GALNT12: variants seen among roughly 807,000 people sequenced by gnomAD.
GALNT12 encodes polypeptide N-acetylgalactosaminyltransferase 12, also known as UDP-GalNAc:polypeptide N-acetylgalactosaminyltransferase 12.
A neutral mutation model predicts 55.5 loss-of-function variants in GALNT12; 45 were observed. The observed-to-expected ratio is 0.81, with a 90% CI of 0.64 to 1.04. GALNT12 has a LOEUF of 1.04. Ranked by LOEUF, GALNT12 falls within the 50% of genes least tolerant of loss-of-function variation. GALNT12 has a pLI of 0.00. For synonymous variants in GALNT12, 304 were observed against 312.2 expected, an observed-to-expected ratio of 0.97 and a Z score of 0.28; for missense variants, 709 against 754.8, an observed-to-expected ratio of 0.94 and a Z score of 0.71.
Position 98,823,349 on chromosome 9 carries a change from A to G in GALNT12, c.465A>G (p.Thr155=). 1 of 1,614,108 alleles carries G rather than the reference A, an allele frequency of 6.2e-7. No homozygotes were observed. The part of the protein sequence containing the change: ...YNEAWSTLLR[T]VYSVLETSPD... ...AAGCCTGGTCAACTCTCCTTCGGAC[A>G]GTTTACAGTGTCCTTGAGACATCCC... The change falls in exon 2 of 10, where the codon ACA becomes ACG. Residue 155 remains threonine (T), a synonymous_variant. Transcript: ENST00000375011.
At chr9:98,809,986 C>T (rs1835460808) in intron 1 of GALNT12, among the ~76,000 whole-genome samples, 1 of 152,184 alleles carries the variant, frequency 6.6e-6, no homozygotes, top group African/African-American at 2.4e-5. Flanking sequence ...ATTCCTGCAG[C>T]AAGGCCTGTT....
chr9:98,832,794 A>G (rs1000353587), intron 4 of GALNT12, among the ~76,000 whole-genome samples: 1 of 152,162 alleles, frequency 6.6e-6, no homozygotes, highest in Non-Finnish European at 1.5e-5. Flanking sequence ...TTCCTAGAGA[A>G]CATCATTCCT....
At position 98,844,221 on chromosome 9, in the gene GALNT12, C is replaced by G. The variant is rs776291189; in HGVS notation, c.1458+12C>G. On this transcript the variant is annotated intron_variant, in intron 8 of 9. Transcript: ENST00000375011. ...TGGGCCAGAATCAGGTAGGTATGAG[C>G]CTCAAAAGAGGAGAAAGCTGTGTGT... 3.4e-6 allele frequency: 5 copies of G among 1,474,066 alleles called. No homozygotes were observed. The highest frequency in any genetic ancestry group is 1.1e-5 in the South Asian group (1 of 88,300). 91.3% of individuals were successfully genotyped at this position (1,474,066 alleles called of 1,614,324 possible). A position where few individuals can be genotyped will look rare whatever the true frequency, so the allele number is the denominator to read the frequency against.
chr9:98,819,596 G>A lies in GALNT12; in HGVS notation c.372-3660G>A, dbSNP rs147342281. On this transcript the variant is annotated intron_variant, in intron 1 of 9. Transcript: ENST00000375011. ...AATCATCCCAGTGACAGCAGAGCAAGGCCACTGCCAGGGAGCCTTGGAACT... is the reference window on the plus strand; with the variant it reads ...AATCATCCCAGTGACAGCAGAGCAAAGCCACTGCCAGGGAGCCTTGGAACT... Among the ~76,000 whole-genome samples the A allele has an allele frequency of 2.0e-4, 30 of 152,320 alleles. No homozygotes were observed. In the South Asian group the frequency reaches 2.1e-3, roughly 11 times the overall value.
chr9:98,834,104 C>T (rs1191619589), intron 4 of GALNT12, among the ~76,000 whole-genome samples: 1 of 151,830 alleles, frequency 6.6e-6, no homozygotes, highest in African/African-American at 2.4e-5. Flanking sequence ...AGTGGTTGCG[C>T]TCTCAATGTT....
At chr9:98,809,755 T>C (rs1231922435) in intron 1 of GALNT12, among the ~76,000 whole-genome samples, 1 of 152,214 alleles carries the variant, frequency 6.6e-6, no homozygotes, top group Non-Finnish European at 1.5e-5. Context: ...GGATTGGTTG[T>C]AGTTTTTCTT....
At position 98,836,982 on chromosome 9, in the gene GALNT12, G is replaced by A. The variant is rs747921962; in HGVS notation, c.1046G>A (p.Cys349Tyr). 2.5e-6 allele frequency: 4 copies of A among 1,613,974 alleles called. No individual in the cohort carries two copies. The highest frequency in any genetic ancestry group is 3.3e-5 in the Admixed American group (2 of 59,998). The stretch of plus-strand genomic sequence containing the variant: ...TTTCTCTGTGTGCAGATCTGGCAGT[G>A]TGGTGGGGTTCTGGAAACACACCCA... ...NLEFSFRIWQCGGVLETHPCS... is the reference protein window; with the variant it reads ...NLEFSFRIWQYGGVLETHPCS... Residue 349 changes from cysteine (C) to tyrosine (Y), a missense_variant, in exon 6 of 10, where the codon TGT becomes TAT. Coordinates refer to ENST00000375011, the MANE Select transcript of GALNT12 (RefSeq NM_024642.5).
In GALNT12 at chr9:98,826,747, C is replaced by T. The variant is rs1262988441; in HGVS notation, c.542-5C>T. ...TGACCCCTGTTGCTTTGTTTGCCTC[C>T]CTAGAGCACCTGAAGGAGCGCTTGG... On this transcript the variant is annotated splice_polypyrimidine_tract_variant and splice_region_variant and intron_variant, in intron 2 of 9. Transcript: ENST00000375011. The T allele has an allele frequency of 6.2e-7, 1 of 1,610,456 alleles. No individual in the cohort carries two copies. Among genetic ancestry groups the T allele is most frequent in the Non-Finnish European group, 8.5e-7 (1 of 1,179,496 alleles).
Position 98,807,981 on chromosome 9 carries a change from G to C in GALNT12, c.283G>C (p.Glu95Gln), listed in dbSNP as rs1346303585. Residue 95 changes from glutamate (E) to glutamine (Q), a missense_variant, in exon 1 of 10, where the codon GAG (glutamate) becomes CAG (glutamine). Transcript: ENST00000375011. ...GCAGGGCGAGGAGCTGCGGCTGCAG[G>C]AGGAGAGCGTGCGGCTGCACCAGAT... ...QLQGEELRLQEESVRLHQINI... is the reference protein window; with the variant it reads ...QLQGEELRLQQESVRLHQINI... The C allele has an allele frequency of 4.0e-6, 6 of 1,517,438 alleles. No individual in the cohort carries two copies. In the South Asian group the frequency reaches 7.4e-5, roughly 19 times the overall value. 94.0% of individuals were successfully genotyped at this position (1,517,438 alleles called of 1,614,324 possible).
At chr9:98,827,040 T>C (rs780470926) in intron 3 of GALNT12, 99 bp downstream of exon 3, 12 of 1,243,872 alleles carry the variant, frequency 9.6e-6, no homozygotes, top group Non-Finnish European at 1.3e-5. Context: ...ACGGGTTGCC[T>C]GGGCTCAGCT....
At position 98,831,938 on chromosome 9, in the gene GALNT12, TC is replaced by T; in HGVS notation, c.903del (p.Val302SerfsTer16). The T allele has an allele frequency of 6.2e-7, 1 of 1,613,876 alleles. No homozygotes were observed. Among genetic ancestry groups the T allele is most frequent in the Non-Finnish European group, 8.5e-7 (1 of 1,179,938 alleles). On this transcript the variant is annotated frameshift_variant, in exon 4 of 10. Transcript: ENST00000375011. LOFTEE classifies it high-confidence loss of function. Reference protein sequence around the residue: ...VPERERIRMQSPVDVIRSPTM... With the variant: ...VPERERIRMQXPVDVIRSPTM... ...TGAGAGGGAGAGGATACGGATGCAA[TC>T]CCCCGTCGATGTCATCAGGTCAGGA...
At chr9:98,824,668 G>C (rs982756078) in intron 2 of GALNT12, among the ~76,000 whole-genome samples, 2 of 152,152 alleles carry the variant, frequency 1.3e-5, no homozygotes, top group African/African-American at 4.8e-5. Flanking sequence ...TTGGGTTCTG[G>C]GGTCAGGGCA....
At chr9:98,837,279 G>A in intron 6 of GALNT12, 131 bp downstream of exon 6, 2 of 849,876 alleles carry the variant, frequency 2.4e-6, no homozygotes, top group Non-Finnish European at 4.0e-6. Flanking sequence ...ACGAGTAAGG[G>A]GAGAATTTAT....
intron 3 of GALNT12, 116 bp from the exon 4 acceptor site, chr9:98,831,656 C>G: frequency 8.5e-7 from 1 of 1,179,260 alleles, no homozygotes; most frequent in Non-Finnish European, 1.2e-6. Context: ...AGGTCTTTCT[C>G]AGATGTTCCT....
At chr9:98,836,531 TCTTC>T (rs1163943591) in intron 5 of GALNT12, among the ~76,000 whole-genome samples, 3 of 151,716 alleles carry the variant, frequency 2.0e-5, no homozygotes, top group African/African-American at 7.3e-5. Flanking sequence ...TCTCTCTGCC[TCTTC>T]CTTAGGTGTC....
chr9:98,841,329 A>T (rs1836280331), intron 7 of GALNT12, among the ~76,000 whole-genome samples: 1 of 152,198 alleles, frequency 6.6e-6, no homozygotes, highest in South Asian at 2.1e-4. Flanking sequence ...TGGCAAGAAC[A>T]CTTTGTGGGT....
chr9:98,812,195 C>T (rs980462211), intron 1 of GALNT12, among the ~76,000 whole-genome samples: 2 of 152,084 alleles, frequency 1.3e-5, no homozygotes, highest in Non-Finnish European at 2.9e-5. Context: ...TGTTCAATTT[C>T]GGTTAGTATT....
At chr9:98,810,792 C>A (rs964512458) in intron 1 of GALNT12, among the ~76,000 whole-genome samples, 1 of 152,046 alleles carries the variant, frequency 6.6e-6, no homozygotes, top group Non-Finnish European at 1.5e-5. Flanking sequence ...CCAGTGGATT[C>A]GAGTATAGTT....
chr9:98,827,268 C>A (rs142298693), intron 3 of GALNT12, among the ~76,000 whole-genome samples: 1 of 151,548 alleles, frequency 6.6e-6, no homozygotes, highest in Admixed American at 6.6e-5. Flanking sequence ...CTCGGCTCAC[C>A]GCACCCTCTG....
Sources: allele counts gnomAD v4.1 joint callset (sites outside exome capture counted in the v4.1 genomes callset), GRCh38; gene constraint gnomAD v4.1.1; transcripts MANE v1.5; gene names NCBI Gene and HGNC (gene_info 2026-07-23, HGNC 2026-07-21).